Variants in GRIN2A observed in about 807,000 individuals in gnomAD.
GRIN2A encodes the protein glutamate ionotropic receptor NMDA type subunit 2A.
A neutral mutation model predicts 113.4 loss-of-function variants in GRIN2A; 22 were observed. That is an observed-to-expected ratio of 0.19 (90% CI 0.14 to 0.28). GRIN2A has a LOEUF of 0.28. Among genes scored for constraint, GRIN2A ranks in the 10% least tolerant of loss-of-function variants. The pLI, the probability that GRIN2A is intolerant of heterozygous loss-of-function variation, is 1.00. For missense variants in GRIN2A, 1,502 were observed against 1,887.0 expected (o/e 0.80, Z 3.78); for synonymous variants, 827 against 738.4 (o/e 1.12, Z -1.94).
At chr16:9,907,128 T>A (rs569168565) in intron 3 of GRIN2A, among the ~76,000 whole-genome samples, 14 of 152,210 alleles carry the variant, frequency 9.2e-5, no homozygotes, top group Non-Finnish European at 2.1e-4. Flanking sequence ...AGTCTTGTTT[T>A]TCTATTCAGC....
At chr16:9,802,761 A>C (rs1903442846) in intron 10 of GRIN2A, among the ~76,000 whole-genome samples, 1 of 152,188 alleles carries the variant, frequency 6.6e-6, no homozygotes, top group South Asian at 2.1e-4. Context: ...CTCTGACACC[A>C]TCTACTATGG....
chr16:9,918,984 C>G (rs1436671737), intron 3 of GRIN2A, among the ~76,000 whole-genome samples: 1 of 151,976 alleles, frequency 6.6e-6, no homozygotes, highest in East Asian at 1.9e-4. Context: ...ACTATCCTGA[C>G]CAACATGATG....
intron 2 of GRIN2A, among the ~76,000 whole-genome samples, chr16:10,032,132 A>G (rs902456966): frequency 3.9e-5 from 6 of 152,190 alleles, no homozygotes; most frequent in Non-Finnish European, 8.8e-5. Flanking sequence ...CAGAAACAGC[A>G]CCTGGTTTTG....
At chr16:10,007,417 T>G (rs1596410317) in intron 2 of GRIN2A, among the ~76,000 whole-genome samples, 2 of 152,364 alleles carry the variant, frequency 1.3e-5, no homozygotes, top group East Asian at 3.9e-4. Context: ...CTTTGCCATT[T>G]GTATGTCTTC....
intron 2 of GRIN2A, among the ~76,000 whole-genome samples, chr16:9,976,789 C>G (rs953508583): frequency 1.1e-4 from 16 of 152,328 alleles, no homozygotes; most frequent in Non-Finnish European, 4.4e-5. Context: ...GCTGGCGTCA[C>G]TTGTAGATAT....
intron 3 of GRIN2A, among the ~76,000 whole-genome samples, chr16:9,924,124 A>G (rs976993371): frequency 6.6e-6 from 1 of 150,982 alleles, no homozygotes; most frequent in Non-Finnish European, 1.5e-5. Context: ...AAAAAAAAAA[A>G]AAAAAAAAAA....
chr16:9,826,417 G>C (rs778880067), intron 9 of GRIN2A, among the ~76,000 whole-genome samples: 1 of 152,104 alleles, frequency 6.6e-6, no homozygotes, highest in Non-Finnish European at 1.5e-5. Flanking sequence ...TTAAGTCCCA[G>C]CTCATCTGAG....
At chr16:9,916,601 G>C (rs937038439) in intron 3 of GRIN2A, among the ~76,000 whole-genome samples, 1 of 152,172 alleles carries the variant, frequency 6.6e-6, no homozygotes, top group Non-Finnish European at 1.5e-5. Context: ...ACAGACACCT[G>C]GTATTCCACC....
At chr16:10,126,157 T>TTATA (rs201684807) in intron 2 of GRIN2A, among the ~76,000 whole-genome samples, 1 of 102,218 alleles carries the variant, frequency 9.8e-6, no homozygotes, top group African/African-American at 3.5e-5. Flanking sequence ...ATGGATTTCT[T>TTATA]TATATATATA....
At chr16:10,119,794 C>T (rs1567312768) in intron 2 of GRIN2A, among the ~76,000 whole-genome samples, 1 of 152,146 alleles carries the variant, frequency 6.6e-6, no homozygotes, top group Non-Finnish European at 1.5e-5. Context: ...TCCCTGTGTT[C>T]GCACTGTTTA....
chr16:9,902,877 G>C (rs999689036), intron 3 of GRIN2A, among the ~76,000 whole-genome samples: 1 of 148,008 alleles, frequency 6.8e-6, no homozygotes, highest in African/African-American at 2.5e-5. Flanking sequence ...TTTTTAACAA[G>C]GCTGATTTCA....
chr16:9,917,998 C>T (rs902983636), intron 3 of GRIN2A, among the ~76,000 whole-genome samples: 12 of 151,994 alleles, frequency 7.9e-5, no homozygotes, highest in Middle Eastern at 3.2e-3. Context: ...TTGGTTATTC[C>T]GAGAATTATA....
chr16:10,051,525 G>C (rs2047359933), intron 2 of GRIN2A, among the ~76,000 whole-genome samples: 1 of 152,200 alleles, frequency 6.6e-6, no homozygotes, highest in African/African-American at 2.4e-5. Flanking sequence ...GTAACTCAAA[G>C]TAGTTTTTAA....
At chr16:10,160,043 T>C (rs542769397) in intron 2 of GRIN2A, among the ~76,000 whole-genome samples, 1 of 152,312 alleles carries the variant, frequency 6.6e-6, no homozygotes, top group South Asian at 2.1e-4. Flanking sequence ...TGCTGACACC[T>C]TCATTTTGGT....
intron 12 of GRIN2A, among the ~76,000 whole-genome samples, chr16:9,765,780 G>A (rs1269201025): frequency 6.6e-6 from 1 of 152,186 alleles, no homozygotes; most frequent in Non-Finnish European, 1.5e-5. Context: ...AATGTAGTTA[G>A]AACTGGGTTT....
chr16:9,851,686 G>C (rs901971671), intron 4 of GRIN2A, among the ~76,000 whole-genome samples: 2 of 152,170 alleles, frequency 1.3e-5, no homozygotes, highest in African/African-American at 2.4e-5. Context: ...AATGGCTTTT[G>C]AAGTCAAACA....
intron 2 of GRIN2A, among the ~76,000 whole-genome samples, chr16:10,051,363 G>A (rs1424469809): frequency 6.6e-6 from 1 of 152,164 alleles, no homozygotes; most frequent in Non-Finnish European, 1.5e-5. Context: ...TGATGGAAAG[G>A]GCAGTCGTAA....
rs115054374 is a variant in GRIN2A at position 9,837,645 on chromosome 16, C to T, written c.1651+3002G>A. On this transcript the variant is annotated intron_variant, in intron 7 of 12. Coordinates refer to ENST00000330684, the MANE Select transcript of GRIN2A (RefSeq NM_001134407.3). ...TCTTAACCTCCAGGACAAAGGATTC[C>T]TGCCAAAGAGTCTGAAAGGGAATGA... is the stretch of plus-strand genomic sequence containing the variant. 8.3e-3 allele frequency among the ~76,000 whole-genome samples: 1,268 copies of T among 152,212 alleles called. 21 individuals are homozygous for T. The highest frequency in any genetic ancestry group is 0.029 in the African/African-American group (1,197 of 41,554).
rs551064457 is a variant in GRIN2A, at chr16:9,891,207, A to T, written c.1008-107T>A. The T allele has an allele frequency of 1.9e-5, 14 of 727,800 alleles. No homozygotes were observed. The African/African-American group carries it at 2.2e-4, about 12-fold the overall frequency. 45.1% of individuals were successfully genotyped at this position (727,800 alleles called of 1,614,324 possible). ...GAATACTGAAAAATTATAAACTTAC[A>T]ATGCTATATTCATCACAAGAAGCCT... On this transcript the variant is annotated intron_variant, in intron 3 of 12. Transcript: ENST00000330684.
Sources: gnomAD v4.1 joint callset for allele counts (sites outside exome capture counted in the v4.1 genomes callset) on GRCh38, gnomAD v4.1.1 for gene constraint, MANE v1.5 for transcripts, NCBI Gene and HGNC (gene_info 2026-07-23, HGNC 2026-07-21) for gene names.